LARP1B: variants seen among roughly 807,000 people sequenced by gnomAD.
LARP1B encodes the protein La ribonucleoprotein 1B, also known as la-related protein 1B.
In LARP1B, 76 loss-of-function variants were observed where a neutral mutation model predicts 114.2. That is an observed-to-expected ratio of 0.67 (90% CI 0.55 to 0.81). The LOEUF is 0.81. Ranked by LOEUF, LARP1B falls within the 30% of genes least tolerant of loss-of-function variation. The pLI is 0.00. For synonymous variants in LARP1B, 345 were observed against 348.0 expected (o/e 0.99, Z 0.10); for missense variants, 1,014 against 1,075.8 (o/e 0.94, Z 0.80).
rs1157852074 is a variant in LARP1B, at chr4:128,091,009, C to T, written c.367C>T (p.Arg123Ter). ...ATTTTTATTTTTAAAAGGTTGGAAG[C>T]GAGATAGAGAAAAAAGGGATGATCA... ...NRRNDTRSWK[R>*]DREKRDDQDD... The change falls in exon 6 of 20, where the codon CGA becomes TGA. Residue 123 changes from arginine to a stop codon, truncating the protein, a stop_gained. Coordinates refer to ENST00000326639, the MANE Select transcript of LARP1B (RefSeq NM_018078.4). LOFTEE classifies it high-confidence loss of function. 9 of 1,604,362 alleles carry T rather than the reference C, an allele frequency of 5.6e-6. No individual in the cohort carries two copies. The highest frequency in any genetic ancestry group is 6.8e-6 in the Non-Finnish European group (8 of 1,173,566).
intron 3 of LARP1B, among the ~76,000 whole-genome samples, chr4:128,075,672 A>T (rs2149396914): frequency 6.6e-6 from 1 of 151,644 alleles, no homozygotes; most frequent in East Asian, 2.0e-4. Flanking sequence ...TTTGCCTCCC[A>T]AGTGACTGGG....
In LARP1B at chr4:128,069,339, C is replaced by T. The variant is rs1485006714; in HGVS notation, c.-77-5121C>T. 4 of 782,750 alleles carry T rather than the reference C, an allele frequency of 5.1e-6. No individual in the cohort carries two copies. The African/African-American group carries it at 6.7e-5, about 13-fold the overall frequency. 48.5% of individuals were successfully genotyped at this position (782,750 alleles called of 1,614,324 possible). A position where few individuals can be genotyped will look rare whatever the true frequency, so the allele number is the denominator to read the frequency against. ...TTGCCGCTTTGCAATGGACTGAAGACTTTGAGCAAACTTTAGCTGGTTAAC... is the reference window on the plus strand; with the variant it reads ...TTGCCGCTTTGCAATGGACTGAAGATTTTGAGCAAACTTTAGCTGGTTAAC... On this transcript the variant is annotated intron_variant, in intron 1 of 19. Coordinates refer to ENST00000326639, the MANE Select transcript of LARP1B (RefSeq NM_018078.4).
At chr4:128,087,183 AG>A (rs1181193348) in intron 5 of LARP1B, among the ~76,000 whole-genome samples, 5 of 152,132 alleles carry the variant, frequency 3.3e-5, no homozygotes, top group African/African-American at 4.8e-5. Context: ...GGCCTCCCAA[AG>A]TGCTAGGATT....
chr4:128,101,815 T>C (rs868349968), intron 8 of LARP1B, among the ~76,000 whole-genome samples: 18 of 152,320 alleles, frequency 1.2e-4, no homozygotes, highest in Middle Eastern at 3.4e-3. Context: ...CATTGTGCTA[T>C]AGCAAAGTGC....
intron 1 of LARP1B, chr4:128,069,660 T>C: frequency 1.8e-6 from 1 of 544,228 alleles, no homozygotes. Flanking sequence ...CACGGATTCT[T>C]TTATTAAAAT....
At chr4:128,083,847 C>T (rs1459323189) in intron 5 of LARP1B, among the ~76,000 whole-genome samples, 110 of 151,098 alleles carry the variant, frequency 7.3e-4, no homozygotes, top group African/African-American at 2.5e-3. Context: ...CGGGCGGAGA[C>T]GCTCCTCACT....
chr4:128,118,525 C>T (rs1001594388), intron 10 of LARP1B, among the ~76,000 whole-genome samples: 2 of 151,760 alleles, frequency 1.3e-5, no homozygotes, highest in Non-Finnish European at 2.9e-5. Flanking sequence ...CGTGAGTCAC[C>T]GCGCCCTGCT....
intron 1 of LARP1B, chr4:128,061,931 G>C: frequency 3.0e-6 from 3 of 985,220 alleles, no homozygotes; most frequent in Non-Finnish European, 3.6e-6. Flanking sequence ...CCAGGCGGCT[G>C]TCCCCGTGAG....
downstream of LARP1B, among the ~76,000 whole-genome samples, chr4:128,216,937 A>G (rs1252088422): frequency 3.9e-5 from 6 of 152,178 alleles, no homozygotes; most frequent in East Asian, 7.7e-4. Context: ...TCAAATAGAC[A>G]CAATAAAAAA....
Position 128,206,525 on chromosome 4 carries a change from G to C in LARP1B, c.2407G>C (p.Asp803His), listed in dbSNP as rs1250304166. The C allele has an allele frequency of 6.2e-7, 1 of 1,611,074 alleles. No homozygotes were observed. Among genetic ancestry groups the C allele is most frequent in the Non-Finnish European group, 8.5e-7 (1 of 1,178,912 alleles). ...FQDFQEETKK[D>H]YESGQLYGLE... The stretch of plus-strand genomic sequence containing the variant: ...GGATTTCCAAGAAGAAACCAAAAAA[G>C]ACTACGAATCTGGTAACAATAACAT... The change falls in exon 18 of 20, where the codon GAC becomes CAC. Residue 803 changes from aspartate (D) to histidine (H), a missense_variant. Asp to His is a moderately conservative substitution (Grantham distance 81, BLOSUM62 -1). Coordinates refer to ENST00000326639, the MANE Select transcript of LARP1B (RefSeq NM_018078.4).
chr4:128,084,808 C>T (rs1772746974), intron 5 of LARP1B, among the ~76,000 whole-genome samples: 1 of 151,928 alleles, frequency 6.6e-6, no homozygotes, highest in Non-Finnish European at 1.5e-5. Flanking sequence ...ACTTTGATTA[C>T]CCCTGTAACT....
chr4:128,206,616 A>C, intron 18 of LARP1B, 79 bp downstream of exon 18: 1 of 1,507,456 alleles, frequency 6.6e-7, no homozygotes, highest in Non-Finnish European at 8.8e-7. Flanking sequence ...GAAGGAGTTC[A>C]TAGTTTTTTT....
chr4:128,107,950 C>G (rs1459571551), intron 9 of LARP1B: 1 of 1,534,200 alleles, frequency 6.5e-7, no homozygotes, highest in South Asian at 1.2e-5. Flanking sequence ...ATAGGTGACT[C>G]ACTGAAATGC....
chr4:128,100,064 A>G (rs1352441947), intron 8 of LARP1B, among the ~76,000 whole-genome samples: 1 of 151,832 alleles, frequency 6.6e-6, no homozygotes, highest in Admixed American at 6.6e-5. Context: ...GATTCAAGCA[A>G]TTCTCCTGCC....
At chr4:128,083,746 G>T (rs1771889046) in intron 5 of LARP1B, among the ~76,000 whole-genome samples, 1 of 150,408 alleles carries the variant, frequency 6.6e-6, no homozygotes, top group African/African-American at 2.4e-5. Flanking sequence ...AGTAGGGGCG[G>T]CTGGGCAGAG....
In LARP1B at chr4:128,120,265, G is replaced by T. The variant is rs531724601; in HGVS notation, c.1162-1561G>T. 2.6e-5 allele frequency among the ~76,000 whole-genome samples: 4 copies of T among 152,072 alleles called. No individual in the cohort carries two copies. In the East Asian group the frequency reaches 5.8e-4, roughly 22 times the overall value. ...TTGGGAATTTTGAAAGGGAGGAATTGTTTTTTTCCTAGACATAGGAAGTTA... is the reference window on the plus strand; with the variant it reads ...TTGGGAATTTTGAAAGGGAGGAATTTTTTTTTTCCTAGACATAGGAAGTTA... On this transcript the variant is annotated intron_variant, in intron 10 of 19. Coordinates refer to ENST00000326639, the MANE Select transcript of LARP1B (RefSeq NM_018078.4).
chr4:128,084,698 A>T (rs1262518771), intron 5 of LARP1B, among the ~76,000 whole-genome samples: 2 of 152,060 alleles, frequency 1.3e-5, no homozygotes, highest in Non-Finnish European at 2.9e-5. Context: ...AGCGAATCAC[A>T]TGGGAGTATG....
chr4:128,206,489 G>A lies in LARP1B; in HGVS notation c.2371G>A (p.Glu791Lys), dbSNP rs767549838. Residue 791 changes from glutamate to lysine, a missense_variant, in exon 18 of 20, where the codon GAA becomes AAA. Coordinates refer to ENST00000326639, the MANE Select transcript of LARP1B (RefSeq NM_018078.4). ...TGGACTGGAAAAAAAATTCAGGCGA[G>A]AAATTTTTCAGGATTTCCAAGAAGA... ...SYGLEKKFRR[E>K]IFQDFQEETK... The A allele has an allele frequency of 3.1e-6, 5 of 1,613,356 alleles. No individual in the cohort carries two copies. The South Asian group carries it at 5.5e-5, about 18-fold the overall frequency.
chr4:128,220,367 A>T (rs1759922190), exon 7 of LARP1B: 1 of 964,706 alleles, frequency 1.0e-6, no homozygotes, highest in Non-Finnish European at 1.2e-6. Flanking sequence ...GGCTGATCCG[A>T]TAGAGTAATA....
Sources: gnomAD v4.1 joint callset for allele counts (sites outside exome capture counted in the v4.1 genomes callset) on GRCh38, gnomAD v4.1.1 for gene constraint, MANE v1.5 for transcripts, NCBI Gene and HGNC (gene_info 2026-07-23, HGNC 2026-07-21) for gene names.